The following GSG1L variants were observed in gnomAD, a reference collection of about 807,000 sequenced individuals.
GSG1L encodes the protein GSG1 like.
A neutral mutation model predicts 42.1 loss-of-function variants in GSG1L; 24 were observed. The ratio of observed to expected loss-of-function variants is 0.57; its 90% CI spans 0.41 to 0.80. The LOEUF (loss-of-function observed/expected upper bound fraction) is 0.80. Ranked by LOEUF, GSG1L falls within the 30% of genes least tolerant of loss-of-function variation. The probability of loss-of-function intolerance (pLI) is 0.00; values close to 1 mark genes in which losing one functional copy is unlikely to be tolerated. For missense variants in GSG1L, 445 were observed against 472.2 expected (o/e 0.94, Z 0.53); for synonymous variants, 215 against 203.5 (o/e 1.06, Z -0.48).
At chr16:27,955,172 T>C (rs897131964) in intron 2 of GSG1L, among the ~76,000 whole-genome samples, 1 of 151,990 alleles carries the variant, frequency 6.6e-6, no homozygotes, top group Non-Finnish European at 1.5e-5. Flanking sequence ...AACAGAGACA[T>C]TAAAGGGTAG....
At position 27,791,315 on chromosome 16, in the gene GSG1L, G is replaced by A. The variant is rs1482209578; in HGVS notation, c.*55C>T. 6.8e-6 allele frequency: 8 copies of A among 1,169,510 alleles called. No individual in the cohort carries two copies. In the East Asian group the frequency reaches 2.3e-4, roughly 33 times the overall value. The allele number at this position is 1,169,510 out of a possible 1,614,324, so 72.4% of individuals were successfully genotyped here. On this transcript the variant is annotated 3_prime_UTR_variant, in exon 7 of 7. Transcript: ENST00000447459. Reference sequence around the variant, plus strand: ...GGGGCACCACTCTGGTGGTCTTGCAGCAGGGGCTGGTGCCAGCGATGGCCT... The same window carrying A: ...GGGGCACCACTCTGGTGGTCTTGCAACAGGGGCTGGTGCCAGCGATGGCCT...
At chr16:27,851,194 T>C (rs930622259) in intron 3 of GSG1L, among the ~76,000 whole-genome samples, 13 of 152,034 alleles carry the variant, frequency 8.6e-5, no homozygotes, top group African/African-American at 3.1e-4. Context: ...CCAAGTTTTG[T>C]CTGTTTGTTT....
At chr16:27,920,611 G>A (rs1289983991) in intron 2 of GSG1L, among the ~76,000 whole-genome samples, 3 of 152,210 alleles carry the variant, frequency 2.0e-5, no homozygotes, top group Non-Finnish European at 2.9e-5. Context: ...TGAGGAGCGT[G>A]GGCCGGTCAC....
intron 2 of GSG1L, among the ~76,000 whole-genome samples, chr16:27,946,643 GAAAGAAAGAAAGAAA>G (rs1567530054): frequency 4.5e-4 from 5 of 11,034 alleles, no homozygotes; most frequent in African/African-American, 7.9e-4. Flanking sequence ...AAGAAAGAAA[GAAAGAAAGAAAGAAA>G]AGAAAGAAAG....
At chr16:27,863,361 A>C (rs1389540974) in intron 3 of GSG1L, 1 of 152,200 alleles carries the variant, frequency 6.6e-6, no homozygotes, top group East Asian at 1.9e-4. Flanking sequence ...TTTTACAAGA[A>C]AAAAATTCTA....
At chr16:27,811,276 T>C (rs945629229) in intron 5 of GSG1L, among the ~76,000 whole-genome samples, 3 of 152,240 alleles carry the variant, frequency 2.0e-5, no homozygotes, top group African/African-American at 7.2e-5. Context: ...CACCTTTTTT[T>C]CTTATAGCTG....
At chr16:27,887,278 C>T (rs1596586560) in intron 2 of GSG1L, among the ~76,000 whole-genome samples, 3 of 152,116 alleles carry the variant, frequency 2.0e-5, no homozygotes, top group South Asian at 2.1e-4. Flanking sequence ...ATTTCTACCA[C>T]GTTTGAGGCT....
intron 2 of GSG1L, among the ~76,000 whole-genome samples, chr16:27,926,112 T>G (rs1299464681): frequency 6.6e-6 from 1 of 151,654 alleles, no homozygotes; most frequent in Non-Finnish European, 1.5e-5. Flanking sequence ...GAAAAAGGAG[T>G]GACAAAGCCT....
chr16:27,843,185 C>T (rs564113282), intron 4 of GSG1L, among the ~76,000 whole-genome samples: 29 of 152,308 alleles, frequency 1.9e-4, no homozygotes, highest in Admixed American at 6.5e-4. Context: ...CAGCCCCAGA[C>T]CTGGATACCC....
intron 6 of GSG1L, among the ~76,000 whole-genome samples, chr16:27,797,424 G>A (rs2082829502): frequency 6.6e-6 from 1 of 151,878 alleles, no homozygotes. Flanking sequence ...TTGGGAGGCT[G>A]AGGCAGGAGA....
rs11385465 is a variant in GSG1L, at chr16:27,943,566, C to CTTTTTTTTTTTTTT, written c.397+19576_397+19589dup. Among the ~76,000 whole-genome samples the CTTTTTTTTTTTTTT allele has an allele frequency of 3.0e-4, 20 of 67,720 alleles. 1 individual carries two copies. The highest frequency in any genetic ancestry group is 5.7e-4 in the East Asian group (1 of 1,762). The allele number at this position is 67,720 out of a possible 152,430, so 44.4% of individuals were successfully genotyped here. A position where few individuals can be genotyped will look rare whatever the true frequency, so the allele number is the denominator to read the frequency against. On this transcript the variant is annotated intron_variant, in intron 2 of 6. Coordinates refer to ENST00000447459, the MANE Select transcript of GSG1L (RefSeq NM_001109763.2). ...GCTAACATTTTCTTTTTCTTTGTTT[C>CTTTTTTTTTTTTTT]TTTTTTTTTTTTTTTTTTTTTTTTT...
chr16:27,932,541 C>T (rs13331122), intron 2 of GSG1L, among the ~76,000 whole-genome samples: 7,552 of 152,154 alleles, frequency 0.05, 655 homozygotes, highest in African/African-American at 0.17. Context: ...AACCGGATCT[C>T]ACTAGAACTC....
chr16:27,803,766 C>CATATATATATATATATATAT (rs3047681), intron 6 of GSG1L, among the ~76,000 whole-genome samples: 18 of 117,890 alleles, frequency 1.5e-4, no homozygotes, highest in East Asian at 4.7e-4. Flanking sequence ...ACAGTGCAGA[C>CATATATATATATATATATAT]ATATATATAT....
At chr16:27,855,548 C>T (rs1188927734) in intron 3 of GSG1L, among the ~76,000 whole-genome samples, 1 of 151,890 alleles carries the variant, frequency 6.6e-6, no homozygotes, top group African/African-American at 2.4e-5. Flanking sequence ...GGTGAAACCC[C>T]ATCTCTACTA....
intron 2 of GSG1L, among the ~76,000 whole-genome samples, chr16:27,921,245 A>T (rs142257397): frequency 2.8e-4 from 43 of 152,070 alleles, no homozygotes; most frequent in Middle Eastern, 3.4e-3. Flanking sequence ...CACCTTCTCC[A>T]AGTATTTCAC....
intron 1 of GSG1L, among the ~76,000 whole-genome samples, chr16:27,978,613 C>A (rs1199543299): frequency 6.7e-6 from 1 of 149,920 alleles, no homozygotes; most frequent in Non-Finnish European, 1.5e-5. Context: ...ATTGCTTGAA[C>A]CTGGGAGGCG....
intron 2 of GSG1L, among the ~76,000 whole-genome samples, chr16:27,959,637 G>A (rs962880598): frequency 2.0e-5 from 3 of 152,132 alleles, no homozygotes; most frequent in Middle Eastern, 3.4e-3. Context: ...GGCACCAAGC[G>A]TGGGGCATGG....
intron 1 of GSG1L, among the ~76,000 whole-genome samples, chr16:27,995,108 G>A (rs2085501171): frequency 6.6e-6 from 1 of 152,156 alleles, no homozygotes; most frequent in Non-Finnish European, 1.5e-5. Flanking sequence ...AAGCAGCACT[G>A]GGTCTCAACC....
chr16:28,054,781 AC>A (rs990039290), intron 1 of GSG1L, among the ~76,000 whole-genome samples: 1 of 152,096 alleles, frequency 6.6e-6, no homozygotes, highest in Non-Finnish European at 1.5e-5. Flanking sequence ...GGGTCTACCC[AC>A]CCCTCGAAAG....
Sources: allele counts gnomAD v4.1 joint callset (sites outside exome capture counted in the v4.1 genomes callset), GRCh38; gene constraint gnomAD v4.1.1; transcripts MANE v1.5; gene names NCBI Gene and HGNC (gene_info 2026-07-23, HGNC 2026-07-21).